SGCZ: variants seen among roughly 807,000 people sequenced by gnomAD.
SGCZ encodes sarcoglycan zeta, also known as zeta-sarcoglycan.
A neutral mutation model predicts 41.3 loss-of-function variants in SGCZ; 40 were observed. That is an observed-to-expected ratio of 0.97 (90% CI 0.75 to 1.26). The LOEUF is 1.26. Among genes scored for constraint, SGCZ ranks in the 50% most tolerant of loss-of-function variants. SGCZ has a pLI of 0.00. For synonymous variants in SGCZ, 206 were observed against 137.5 expected (o/e 1.50, Z -3.49); for missense variants, 552 against 369.8 (o/e 1.49, Z -4.04).
intron 5 of SGCZ, among the ~76,000 whole-genome samples, chr8:14,114,000 C>T (rs1278800821): frequency 1.3e-5 from 2 of 151,966 alleles, no homozygotes; most frequent in African/African-American, 4.8e-5. Flanking sequence ...TTGCCGCTTG[C>T]TTCTCCTTCT....
At chr8:14,537,524 A>C (rs1250992640) in intron 2 of SGCZ, among the ~76,000 whole-genome samples, 1 of 151,630 alleles carries the variant, frequency 6.6e-6, no homozygotes, top group Non-Finnish European at 1.5e-5. Context: ...TGAGAACCCT[A>C]GTATCTGACT....
chr8:14,762,464 G>A (rs987130722), intron 1 of SGCZ, among the ~76,000 whole-genome samples: 1 of 152,158 alleles, frequency 6.6e-6, no homozygotes, highest in African/African-American at 2.4e-5. Flanking sequence ...TTGCTGTGAG[G>A]TAAAGGGGTT....
At chr8:14,737,495 G>A (rs796541529) in intron 1 of SGCZ, among the ~76,000 whole-genome samples, 7 of 152,162 alleles carry the variant, frequency 4.6e-5, no homozygotes, top group African/African-American at 1.7e-4. Flanking sequence ...TATGTCTCAA[G>A]CACTGTATTA....
At chr8:15,147,708 G>C (rs1050047173) in intron 1 of SGCZ, among the ~76,000 whole-genome samples, 1 of 152,220 alleles carries the variant, frequency 6.6e-6, no homozygotes, top group Non-Finnish European at 1.5e-5. Context: ...AGACTGAGAG[G>C]AGGGGAGAAG....
At chr8:14,118,742 G>C (rs1029685109) in intron 5 of SGCZ, among the ~76,000 whole-genome samples, 1 of 152,096 alleles carries the variant, frequency 6.6e-6, no homozygotes, top group African/African-American at 2.4e-5. Context: ...TTTTGTATAA[G>C]GTGCTAGGAA....
intron 2 of SGCZ, among the ~76,000 whole-genome samples, chr8:14,496,203 C>T (rs1801983685): frequency 6.6e-6 from 1 of 151,418 alleles, no homozygotes; most frequent in Non-Finnish European, 1.5e-5. Flanking sequence ...GTAGATGGGA[C>T]TTCAGGTGCA....
intron 7 of SGCZ, among the ~76,000 whole-genome samples, chr8:14,097,104 C>T (rs951068957): frequency 1.3e-5 from 2 of 152,030 alleles, no homozygotes; most frequent in African/African-American, 2.4e-5. Flanking sequence ...TTCAGTTCTG[C>T]TCTGATCATA....
At chr8:15,053,848 T>C (rs17120803) in intron 1 of SGCZ, among the ~76,000 whole-genome samples, 12,007 of 152,244 alleles carry the variant, frequency 0.079, 754 homozygotes, top group African/African-American at 0.17. Context: ...CTTATGAGTT[T>C]GACATAAACT....
intron 2 of SGCZ, among the ~76,000 whole-genome samples, chr8:14,352,798 G>T (rs967407385): frequency 3.3e-5 from 5 of 151,996 alleles, no homozygotes; most frequent in East Asian, 1.9e-4. Context: ...TCCTATCCAG[G>T]TTCCTCCCTG....
At chr8:14,897,648 C>T (rs995109254) in intron 1 of SGCZ, among the ~76,000 whole-genome samples, 1 of 152,196 alleles carries the variant, frequency 6.6e-6, no homozygotes, top group Non-Finnish European at 1.5e-5. Context: ...GATCATAAGG[C>T]ATAATTCATA....
intron 1 of SGCZ, among the ~76,000 whole-genome samples, chr8:14,581,389 G>C (rs1267578048): frequency 6.6e-6 from 1 of 151,956 alleles, no homozygotes; most frequent in Non-Finnish European, 1.5e-5. Flanking sequence ...ATACAGGCAT[G>C]AGCCATGAGC....
intron 1 of SGCZ, among the ~76,000 whole-genome samples, chr8:14,947,501 G>A (rs1289555703): frequency 6.6e-6 from 1 of 152,154 alleles, no homozygotes; most frequent in African/African-American, 2.4e-5. Context: ...TCTGCTACTG[G>A]AAAAGTGGTG....
intron 1 of SGCZ, among the ~76,000 whole-genome samples, chr8:15,067,442 A>G (rs529255761): frequency 6.6e-6 from 1 of 152,314 alleles, no homozygotes; most frequent in African/African-American, 2.4e-5. Flanking sequence ...TGATAAACCT[A>G]CCATAGATAA....
intron 5 of SGCZ, among the ~76,000 whole-genome samples, chr8:14,129,210 G>C (rs79148607): frequency 0.045 from 6,766 of 151,970 alleles, 494 homozygotes; most frequent in African/African-American, 0.15. Context: ...GCTGGGTGTG[G>C]TGGCAGGTGC....
intron 1 of SGCZ, among the ~76,000 whole-genome samples, chr8:14,838,616 G>T (rs1802787738): frequency 6.6e-6 from 1 of 152,124 alleles, no homozygotes; most frequent in African/African-American, 2.4e-5. Context: ...AATTCCCAGT[G>T]AAGGCTCTAG....
intron 1 of SGCZ, among the ~76,000 whole-genome samples, chr8:15,011,549 T>C (rs938515431): frequency 3.3e-5 from 5 of 152,188 alleles, no homozygotes; most frequent in African/African-American, 1.2e-4. Context: ...TATTGAAAAC[T>C]GCAGATTATA....
chr8:14,300,234 C>T (rs777409069), intron 3 of SGCZ, among the ~76,000 whole-genome samples: 21 of 149,504 alleles, frequency 1.4e-4, no homozygotes, highest in Non-Finnish European at 2.4e-4. Flanking sequence ...CAAAATTCTA[C>T]AGCTAAATAC....
intron 1 of SGCZ, among the ~76,000 whole-genome samples, chr8:14,731,055 A>G (rs1232734136): frequency 6.6e-6 from 1 of 151,782 alleles, no homozygotes; most frequent in Non-Finnish European, 1.5e-5. Context: ...AAAGGATGAT[A>G]AATAATTCTA....
chr8:14,762,244 A>G (rs142105333), intron 1 of SGCZ, among the ~76,000 whole-genome samples: 1 of 152,328 alleles, frequency 6.6e-6, no homozygotes, highest in East Asian at 1.9e-4. Flanking sequence ...ATATGGAGTC[A>G]TGAATAAATC....
Sources: gnomAD v4.1 joint callset for allele counts (sites outside exome capture counted in the v4.1 genomes callset) on GRCh38, gnomAD v4.1.1 for gene constraint, MANE v1.5 for transcripts, NCBI Gene and HGNC (gene_info 2026-07-23, HGNC 2026-07-21) for gene names.